The following HAUS7 variants were observed in gnomAD, a reference collection of about 807,000 sequenced individuals.
HAUS7 encodes HAUS augmin-like complex subunit 7.
Under a neutral mutation model 28.4 loss-of-function variants are expected in HAUS7, and 3 were observed. The ratio of observed to expected loss-of-function variants is 0.11; its 90% CI spans 0.05 to 0.27. The LOEUF (loss-of-function observed/expected upper bound fraction) is 0.27. HAUS7 is among the 10% of genes least tolerant of loss of function. The pLI is 1.00. For missense variants in HAUS7, 284 were observed against 297.3 expected (o/e 0.96, Z 0.33); for synonymous variants, 165 against 132.1 (o/e 1.25, Z -1.71).
chrX:153,471,686 G>A (rs1312761928), upstream of HAUS7, among the ~76,000 whole-genome samples: 1 of 112,283 alleles, frequency 8.9e-6, no homozygotes, highest in East Asian at 2.8e-4. Context: ...TGGGATCAGG[G>A]GGCAAGTCTA....
chrX:153,460,516 T>A, intron 4 of HAUS7, among the ~76,000 whole-genome samples: 1 of 108,240 alleles, frequency 9.2e-6, no homozygotes, highest in South Asian at 4.0e-4. Context: ...ATGGTGAACA[T>A]GATACAATTT....
At chrX:153,492,481 A>G (rs2089677452) in intron 1 of HAUS7, among the ~76,000 whole-genome samples, 1 of 112,433 alleles carries the variant, frequency 8.9e-6, no homozygotes, top group African/African-American at 3.2e-5. Flanking sequence ...GGCTTATTGC[A>G]GACTGCAAAC....
At chrX:153,472,625 C>T (rs1033668658), upstream of HAUS7, among the ~76,000 whole-genome samples, 74 of 109,386 alleles carry the variant, frequency 6.8e-4, no homozygotes, top group Non-Finnish European at 1.1e-3. Flanking sequence ...GAAAGCACTC[C>T]TCCCAGAAAT....
intron 3 of HAUS7, among the ~76,000 whole-genome samples, chrX:153,464,730 G>C (rs1288066846): frequency 8.9e-6 from 1 of 112,405 alleles, no homozygotes; most frequent in African/African-American, 3.2e-5. Flanking sequence ...CACTGACACA[G>C]GGAGACGGAA....
chrX:153,482,715 G>T (rs1293150472), intron 1 of HAUS7: 37 of 755,933 alleles, frequency 4.9e-5, no homozygotes, highest in African/African-American at 6.8e-5. Context: ...CCCGCCTGCA[G>T]GGCTCAGCCA....
intron 9 of HAUS7, among the ~76,000 whole-genome samples, chrX:153,453,565 C>CA (rs372612898): frequency 0.03 from 2,918 of 95,751 alleles, 81 homozygotes; most frequent in African/African-American, 0.1. Context: ...GCAGGGATAG[C>CA]AAAAAAAAAA....
chrX:153,462,035 G>T, intron 4 of HAUS7: 1 of 673,297 alleles, frequency 1.5e-6, no homozygotes, highest in Non-Finnish European at 2.3e-6. Context: ...TCCTGGGGCT[G>T]TGTCATAGGC....
At chrX:153,450,414 T>C (rs1007441257) in intron 9 of HAUS7, among the ~76,000 whole-genome samples, 1 of 111,369 alleles carries the variant, frequency 9.0e-6, no homozygotes, top group African/African-American at 3.3e-5. Context: ...ACCTGTGCCC[T>C]CTGCTTCCAT....
At chrX:153,453,702 G>A (rs782652000) in intron 9 of HAUS7, among the ~76,000 whole-genome samples, 4 of 110,821 alleles carry the variant, frequency 3.6e-5, no homozygotes, top group Admixed American at 9.6e-5. Context: ...ATGGTGCTGC[G>A]ACAAATGTGT....
intron 1 of HAUS7, chrX:153,480,558 C>G (rs1314972766): frequency 2.7e-6 from 2 of 752,710 alleles, no homozygotes; most frequent in African/African-American, 4.6e-5. Flanking sequence ...AGGCCCCCAG[C>G]CCACACTGGC....
intron 4 of HAUS7, among the ~76,000 whole-genome samples, chrX:153,459,326 C>T (rs782037145): frequency 3.6e-5 from 4 of 112,137 alleles, no homozygotes; most frequent in Admixed American, 9.4e-5. Flanking sequence ...AACTATTTAC[C>T]GCCTTTCTGT....
At position 153,481,900 on chromosome X, in the gene HAUS7, G is replaced by A. The variant is rs782075569; in HGVS notation, c.-588-10755C>T. The stretch of plus-strand genomic sequence containing the variant: ...CTCAGCAAGAACAAGCTGGATCCCC[G>A]AGGCCTGCACCCCCATGCCTTCAAG... On this transcript the variant is annotated intron_variant, in intron 1 of 5. Coordinates refer to the HAUS7 transcript ENST00000370210. 12 of 753,057 alleles carry A rather than the reference G, an allele frequency of 1.6e-5. No homozygotes were observed. In the African/African-American group the frequency reaches 1.9e-4, roughly 12 times the overall value. 62.1% of individuals were successfully genotyped at this position (753,057 alleles called of 1,213,427 possible).
intron 4 of HAUS7, among the ~76,000 whole-genome samples, chrX:153,459,479 T>C (rs2089359277): frequency 9.0e-6 from 1 of 111,703 alleles, no homozygotes; most frequent in Non-Finnish European, 1.9e-5. Context: ...AACATCACTA[T>C]GAACACCTGG....
upstream of HAUS7, among the ~76,000 whole-genome samples, chrX:153,474,055 G>A (rs1259447955): frequency 1.8e-5 from 2 of 112,479 alleles, no homozygotes; most frequent in Non-Finnish European, 1.9e-5. Context: ...AATGAGACAA[G>A]GAAGTGGCTG....
Position 153,468,292 on chromosome X carries a change from C to G in HAUS7, c.224+854G>C, listed in dbSNP as rs1050769788. Among the ~76,000 whole-genome samples, 5 of 112,316 alleles carry G rather than the reference C, an allele frequency of 4.5e-5. 1 individual carries two copies. The South Asian group carries it at 1.5e-3, about 33-fold the overall frequency. ...CCCTTCCTCAAGCAGCAAGGGTAGG[C>G]AGGCCGCAGGCTGAGGAGGGGGAGG... On this transcript the variant is annotated intron_variant, in intron 2 of 9. Transcript: ENST00000370211.
chrX:153,464,414 T>C (rs1332217006), intron 3 of HAUS7, among the ~76,000 whole-genome samples: 2 of 112,407 alleles, frequency 1.8e-5, no homozygotes, highest in Non-Finnish European at 3.8e-5. Context: ...CATGTGGCAA[T>C]GCCAGCTGGG....
At chrX:153,490,452 C>T (rs909839498) in intron 1 of HAUS7, among the ~76,000 whole-genome samples, 40 of 113,056 alleles carry the variant, frequency 3.5e-4, no homozygotes, top group African/African-American at 1.2e-3. Flanking sequence ...TCCGCTCACT[C>T]AGCACCAGCT....
intron 9 of HAUS7, among the ~76,000 whole-genome samples, chrX:153,449,033 G>A (rs1235562798): frequency 9.0e-6 from 1 of 111,716 alleles, no homozygotes; most frequent in Non-Finnish European, 1.9e-5. Flanking sequence ...GCCCAGTGGC[G>A]ACCGTGGTGG....
chrX:153,469,177 G>A lies in HAUS7; in HGVS notation c.193C>T (p.Arg65Cys), dbSNP rs782328141. ...CACATCCACTCTAGGATCTCCAAGC[G>A]GTACTCTGAGGGGCTGCACAGCAGT... ...QELLCSPSEY[R>C]LEILEWMCTR... is the part of the protein sequence containing the mutation. Residue 65 changes from arginine to cysteine, a missense_variant, in exon 2 of 10, where the codon CGC becomes TGC. Arg to Cys is a radical substitution (Grantham distance 180). Transcript: ENST00000370211. 6 of 1,180,051 alleles carry A rather than the reference G, an allele frequency of 5.1e-6. No homozygotes were observed. Among genetic ancestry groups the A allele is most frequent in the East Asian group, 3.0e-5 (1 of 33,682 alleles).
Sources: allele counts gnomAD v4.1 joint callset (sites outside exome capture counted in the v4.1 genomes callset), GRCh38; gene constraint gnomAD v4.1.1; transcripts MANE v1.5; gene names NCBI Gene and HGNC (gene_info 2026-07-23, HGNC 2026-07-21).